The following RERGL variants were observed in gnomAD, a reference collection of about 807,000 sequenced individuals.
The protein encoded by RERGL is ras-related and estrogen-regulated growth inhibitor-like protein.
Under a neutral mutation model 24.7 loss-of-function variants are expected in RERGL, and 22 were observed. That is an observed-to-expected ratio of 0.89 (90% CI 0.64 to 1.27). The LOEUF (loss-of-function observed/expected upper bound fraction) is 1.27, where lower values mean the gene tolerates loss of function less well. Among genes scored for constraint, RERGL ranks in the 50% most tolerant of loss-of-function variants. The pLI is 0.00. For synonymous variants in RERGL, 76 were observed against 82.6 expected (o/e 0.92, Z 0.43); for missense variants, 259 against 235.3 (o/e 1.10, Z -0.66).
At position 18,088,948 on chromosome 12, in the gene RERGL, C is replaced by T. The variant is rs142545141; in HGVS notation, c.61G>A (p.Val21Met). ...GEGTGKSALT[V>M]RFLTKRFIGE... is the part of the protein sequence containing the mutation. ...ATGAATCGCTTAGTAAGAAACCTCA[C>T]TGTAAGGGCTGCAAAGCAAACAATC... Residue 21 changes from valine (V) to methionine (M), a missense_variant, in exon 2 of 5, where the codon GTG becomes ATG. Coordinates refer to ENST00000538724, the MANE Select transcript of RERGL (RefSeq NM_001286201.2). 3 of 1,609,832 alleles carry T rather than the reference C, an allele frequency of 1.9e-6. No homozygotes were observed. The highest frequency in any genetic ancestry group is 4.5e-5 in the East Asian group (2 of 44,720).
intron 4 of RERGL, among the ~76,000 whole-genome samples, chr12:18,083,343 T>G (rs1046210953): frequency 8.5e-5 from 13 of 152,146 alleles, no homozygotes; most frequent in Non-Finnish European, 1.3e-4. Context: ...ACTTTCAGTA[T>G]GTTTTTAAGT....
chr12:18,083,959 TCTTC>T (rs1333623650), intron 4 of RERGL, among the ~76,000 whole-genome samples: 4 of 152,200 alleles, frequency 2.6e-5, no homozygotes, highest in African/African-American at 9.6e-5. Flanking sequence ...TACAATCATG[TCTTC>T]CTTCATAGTT....
chr12:18,086,014 C>T (rs560715081), intron 2 of RERGL, among the ~76,000 whole-genome samples: 22 of 146,490 alleles, frequency 1.5e-4, no homozygotes, highest in Admixed American at 1.3e-3. Flanking sequence ...CTCGCCACCA[C>T]GCCTGGCCAA....
Position 18,085,658 on chromosome 12 carries a change from T to G in RERGL, c.145A>C (p.Lys49Gln). The G allele has an allele frequency of 6.2e-7, 1 of 1,601,088 alleles. No individual in the cohort carries two copies. Among genetic ancestry groups the G allele is most frequent in the Non-Finnish European group, 8.5e-7 (1 of 1,171,158 alleles). ...IYKKHLCLER[K>Q]QLNLEIYDPC... ...TCATATATTTCTAGATTTAGTTGTTTCCTTTCCAAACACAAGTGCTTCTTA... is the reference window on the plus strand; with the variant it reads ...TCATATATTTCTAGATTTAGTTGTTGCCTTTCCAAACACAAGTGCTTCTTA... The change falls in exon 3 of 5, where the codon AAA (lysine) becomes CAA (glutamine). Residue 49 changes from lysine to glutamine, a missense_variant. Lys to Gln is a moderately conservative substitution (Grantham distance 53). Transcript: ENST00000538724.
At chr12:18,088,829 T>C in intron 2 of RERGL, 71 bp downstream of exon 2, 2 of 950,390 alleles carry the variant, frequency 2.1e-6, no homozygotes, top group Non-Finnish European at 3.5e-6. Context: ...AAAATGCATC[T>C]CTGTACTTAA....
At position 18,084,601 on chromosome 12, in the gene RERGL, T is replaced by C; in HGVS notation, c.248A>G (p.Tyr83Cys). 5.0e-6 allele frequency: 8 copies of C among 1,613,188 alleles called. No homozygotes were observed. The highest frequency in any genetic ancestry group is 6.8e-6 in the Non-Finnish European group (8 of 1,179,636). ...LHWADGFVIV[Y>C]DISDRSSFAF... ...AAATGAAGACCTATCACTGATGTCATACACAATAACAAACCCATCTGCCCA... is the reference window on the plus strand; with the variant it reads ...AAATGAAGACCTATCACTGATGTCACACACAATAACAAACCCATCTGCCCA... Residue 83 changes from tyrosine (Y) to cysteine (C), a missense_variant, in exon 4 of 5, where the codon TAT (tyrosine) becomes TGT (cysteine). Tyr to Cys is a radical substitution (Grantham distance 194). Coordinates refer to ENST00000538724, the MANE Select transcript of RERGL (RefSeq NM_001286201.2).
Position 18,090,112 on chromosome 12 carries a change from C to T in RERGL, c.29G>A (p.Gly10Asp). The part of the protein sequence containing the change: MNDVKLAVL[G>D]GEGTGKSALT... ...ACCAGATTTGCCTGTTCCTTCACCA[C>T]CCAAGACAGCAAGCTTCACATCATT... is the stretch of plus-strand genomic sequence containing the variant. Residue 10 changes from glycine to aspartate, a missense_variant, in exon 1 of 5, where the codon GGT (glycine) becomes GAT (aspartate). By Grantham distance (94) the Gly-to-Asp change is moderately conservative (BLOSUM62 -1). Coordinates refer to ENST00000538724, the MANE Select transcript of RERGL (RefSeq NM_001286201.2). The T allele has an allele frequency of 2.0e-6, 3 of 1,533,424 alleles. 1 individual carries two copies. The highest frequency in any genetic ancestry group is 2.4e-5 in the South Asian group (2 of 83,726). 95.0% of individuals were successfully genotyped at this position (1,533,424 alleles called of 1,614,324 possible). A position where few individuals can be genotyped will look rare whatever the true frequency, so the allele number is the denominator to read the frequency against.
In RERGL at chr12:18,087,305, T is replaced by A. The variant is rs368875772; in HGVS notation, c.109+1595A>T. ...TCTCAGAGGATTAGGGTTGACTTCT[T>A]AACTCCTACCAGGTTATATTTAAGG... is the stretch of plus-strand genomic sequence containing the variant. On this transcript the variant is annotated intron_variant, in intron 2 of 4. Transcript: ENST00000538724. Among the ~76,000 whole-genome samples the A allele has an allele frequency of 9.5e-4, 144 of 152,316 alleles. 2 individuals carry two copies. Among genetic ancestry groups the A allele is most frequent in the African/African-American group, 3.4e-3 (141 of 41,564 alleles).
chr12:18,083,488 G>C (rs1227615694), intron 4 of RERGL, among the ~76,000 whole-genome samples: 1 of 152,016 alleles, frequency 6.6e-6, no homozygotes, highest in African/African-American at 2.4e-5. Context: ...TAATATTATA[G>C]GAAGTAAGAG....
chr12:18,082,167 A>C (rs1947180380), intron 4 of RERGL, among the ~76,000 whole-genome samples: 1 of 149,898 alleles, frequency 6.7e-6, no homozygotes, highest in African/African-American at 2.5e-5. Flanking sequence ...AAAGAATGAG[A>C]GCATGCCCTT....
At chr12:18,089,178 C>G (rs1237891276) in intron 1 of RERGL, 1 of 1,494,436 alleles carries the variant, frequency 6.7e-7, no homozygotes, top group Non-Finnish European at 9.2e-7. Flanking sequence ...TGCTTCACAT[C>G]TAAATCACTA....
intron 4 of RERGL, among the ~76,000 whole-genome samples, chr12:18,083,601 G>C (rs1947192704): frequency 6.6e-6 from 1 of 152,004 alleles, no homozygotes; most frequent in South Asian, 2.1e-4. Flanking sequence ...GCTTACTTAA[G>C]GCAAATCAAA....
At chr12:18,086,427 A>C (rs1287532497) in intron 2 of RERGL, among the ~76,000 whole-genome samples, 4 of 152,148 alleles carry the variant, frequency 2.6e-5, no homozygotes, top group African/African-American at 9.7e-5. Context: ...ACAAACATGA[A>C]AAATTTCTTC....
chr12:18,084,610 A>G lies in RERGL; in HGVS notation c.239T>C (p.Val80Ala). 1 of 1,612,758 alleles carries G rather than the reference A, an allele frequency of 6.2e-7. No individual in the cohort carries two copies. The highest frequency in any genetic ancestry group is 8.5e-7 in the Non-Finnish European group (1 of 1,179,484). The stretch of plus-strand genomic sequence containing the variant: ...CCTATCACTGATGTCATACACAATA[A>G]CAAACCCATCTGCCCAGTGAAGCTC... ...TSELHWADGF[V>A]IVYDISDRSS... is the part of the protein sequence containing the mutation. The change falls in exon 4 of 5, where the codon GTT becomes GCT. Residue 80 changes from valine to alanine, a missense_variant. Transcript: ENST00000538724.
chr12:18,082,549 T>G (rs561784924), intron 4 of RERGL, among the ~76,000 whole-genome samples: 1 of 152,290 alleles, frequency 6.6e-6, no homozygotes, highest in Non-Finnish European at 1.5e-5. Context: ...TTAAAGCTCA[T>G]GGAGATTGTA....
chr12:18,082,553 G>T (rs1016435491), intron 4 of RERGL, among the ~76,000 whole-genome samples: 7 of 152,156 alleles, frequency 4.6e-5, no homozygotes, highest in African/African-American at 1.4e-4. Flanking sequence ...AGCTCATGGA[G>T]ATTGTATACA....
chr12:18,084,085 T>C (rs1196922230), intron 4 of RERGL, among the ~76,000 whole-genome samples: 1 of 152,170 alleles, frequency 6.6e-6, no homozygotes, highest in Non-Finnish European at 1.5e-5. Context: ...GATTACTCAG[T>C]CTATTTTGCT....
chr12:18,082,741 C>A (rs1285501866), intron 4 of RERGL, among the ~76,000 whole-genome samples: 3 of 152,030 alleles, frequency 2.0e-5, no homozygotes, highest in African/African-American at 7.2e-5. Flanking sequence ...AAATATTATT[C>A]AATATTTATT....
At chr12:18,085,890 C>G (rs561455020) in intron 2 of RERGL, among the ~76,000 whole-genome samples, 197 bp from the exon 3 acceptor site, 1 of 135,216 alleles carries the variant, frequency 7.4e-6, no homozygotes, top group South Asian at 2.3e-4. Flanking sequence ...CACAGTCTGT[C>G]TCTGTCACCT....
Sources: gnomAD v4.1 joint callset for allele counts (sites outside exome capture counted in the v4.1 genomes callset) on GRCh38, gnomAD v4.1.1 for gene constraint, MANE v1.5 for transcripts, NCBI Gene and HGNC (gene_info 2026-07-23, HGNC 2026-07-21) for gene names.